ATP8B1: variants seen among roughly 807,000 people sequenced by gnomAD.
ATP8B1 encodes the protein ATPase phospholipid transporting 8B1, also known as phospholipid-transporting ATPase IC.
A neutral mutation model predicts 149.9 loss-of-function variants in ATP8B1; 80 were observed. The ratio of observed to expected loss-of-function variants is 0.53; its 90% CI spans 0.45 to 0.64. The LOEUF is 0.64. ATP8B1 is among the 30% of genes least tolerant of loss of function. The pLI is 0.00. For missense variants in ATP8B1, 1,247 were observed against 1,552.6 expected, an observed-to-expected ratio of 0.80 and a Z score of 3.31; for synonymous variants, 536 against 562.8, an observed-to-expected ratio of 0.95 and a Z score of 0.67.
chr18:57,695,433 A>T lies in ATP8B1; in HGVS notation c.781+17T>A, dbSNP rs1420821976. On this transcript the variant is annotated intron_variant, in intron 9 of 27. Transcript: ENST00000648908. ...CAACTAAAATTTAAAGCAAAGTAAG[A>T]CATGTTTGGTACAAACCATCAAATG... 6.2e-6 allele frequency: 10 copies of T among 1,606,842 alleles called. No homozygotes were observed. The highest frequency in any genetic ancestry group is 8.5e-6 in the Non-Finnish European group (10 of 1,173,386).
chr18:57,754,462 ATT>A (rs2080058378), intron 1 of ATP8B1, among the ~76,000 whole-genome samples: 1 of 144,860 alleles, frequency 6.9e-6, no homozygotes, highest in Non-Finnish European at 1.5e-5. Flanking sequence ...ATATATATAT[ATT>A]ATGAAGTAAT....
intron 24 of ATP8B1, among the ~76,000 whole-genome samples, 158 bp downstream of exon 24, chr18:57,653,834 A>C (rs559827987): frequency 6.6e-6 from 1 of 152,076 alleles, no homozygotes; most frequent in Admixed American, 6.6e-5. Context: ...ACAAAACAAG[A>C]AGCACAGCCA....
chr18:57,685,221 CTGG>C, intron 13 of ATP8B1, 106 bp from the exon 14 acceptor site: 2 of 1,198,658 alleles, frequency 1.7e-6, no homozygotes, highest in Non-Finnish European at 2.4e-6. Context: ...CATATACGGC[CTGG>C]ACAGGCTAAA....
chr18:57,785,213 A>C (rs2080395001), intron 1 of ATP8B1, among the ~76,000 whole-genome samples: 1 of 152,258 alleles, frequency 6.6e-6, no homozygotes, highest in Non-Finnish European at 1.5e-5. Flanking sequence ...GTCTTTTGAC[A>C]ACAACATAAA....
At chr18:57,767,789 A>G (rs893234196) in intron 1 of ATP8B1, among the ~76,000 whole-genome samples, 3 of 44,568 alleles carry the variant, frequency 6.7e-5, no homozygotes, top group African/African-American at 2.6e-4. Context: ...AACTCCATCT[A>G]AAAAAAAAAA....
At position 57,714,273 on chromosome 18, in the gene ATP8B1, G is replaced by C. The variant is rs545270252; in HGVS notation, c.182-7686C>G. Among the ~76,000 whole-genome samples the C allele has an allele frequency of 1.3e-3, 194 of 151,312 alleles. 3 individuals are homozygous for C. The highest frequency in any genetic ancestry group is 4.4e-3 in the African/African-American group (183 of 41,482). On this transcript the variant is annotated intron_variant, in intron 2 of 27. Coordinates refer to ENST00000648908, the MANE Select transcript of ATP8B1 (RefSeq NM_001374385.1). The stretch of plus-strand genomic sequence containing the variant: ...CAGCTCAGCCACAGTAGAATAGATA[G>C]GACACCAAGCAGATTTCTAAGGTTT...
chr18:57,698,347 AT>A (rs11388498), intron 6 of ATP8B1, among the ~76,000 whole-genome samples: 14 of 149,590 alleles, frequency 9.4e-5, no homozygotes, highest in Middle Eastern at 3.4e-3. Flanking sequence ...TTATTTATTA[AT>A]TTTTTTTTTC....
At chr18:57,746,056 C>T (rs973117561) in intron 1 of ATP8B1, among the ~76,000 whole-genome samples, 1 of 152,084 alleles carries the variant, frequency 6.6e-6, no homozygotes, top group African/African-American at 2.4e-5. Context: ...CAGTATTAAC[C>T]GTGGGGGTGA....
intron 22 of ATP8B1, among the ~76,000 whole-genome samples, chr18:57,658,241 G>A (rs895482670): frequency 1.4e-4 from 22 of 152,100 alleles, no homozygotes; most frequent in Admixed American, 1.0e-3. Flanking sequence ...GTGGAGATGG[G>A]GTTTCATCAT....
At chr18:57,795,267 G>A (rs2080502589) in intron 1 of ATP8B1, among the ~76,000 whole-genome samples, 1 of 151,946 alleles carries the variant, frequency 6.6e-6, no homozygotes, top group African/African-American at 2.4e-5. Context: ...GCTGGGTGTG[G>A]TGGTGAGTGT....
chr18:57,757,459 C>T (rs1250296377), intron 1 of ATP8B1, among the ~76,000 whole-genome samples: 1 of 152,164 alleles, frequency 6.6e-6, no homozygotes, highest in Non-Finnish European at 1.5e-5. Context: ...GGTGACTTTG[C>T]TTCTTGGTCC....
At position 57,777,031 on chromosome 18, in the gene ATP8B1, C is replaced by T. The variant is rs545667450; in HGVS notation, c.-26+25967G>A. On this transcript the variant is annotated intron_variant, in intron 1 of 27. Transcript: ENST00000648908. ...TATCACTGTCGCCCAGGCTGGAGTA[C>T]GGTGGTGTGATCACAGCTCACTGCA... 1.7e-4 allele frequency among the ~76,000 whole-genome samples: 25 copies of T among 149,874 alleles called. No homozygotes were observed. In the South Asian group the frequency reaches 3.8e-3, roughly 23 times the overall value.
In ATP8B1 at chr18:57,648,579, G is replaced by T; in HGVS notation, c.3665C>A (p.Ser1222Tyr). 6.2e-7 allele frequency: 1 copy of T among 1,611,400 alleles called. No individual in the cohort carries two copies. The highest frequency in any genetic ancestry group is 8.5e-7 in the Non-Finnish European group (1 of 1,179,912). ...CTTCTTGCGGATGCTGCGCCCGGAGGAGATGAGGTCCGCGTAGCCCCGCTG... is the reference window on the plus strand; with the variant it reads ...CTTCTTGCGGATGCTGCGCCCGGAGTAGATGAGGTCCGCGTAGCCCCGCTG... The part of the protein sequence containing the change: ...SHQRGYADLI[S>Y]SGRSIRKKRS... Residue 1222 changes from serine (S) to tyrosine (Y), a missense_variant, in exon 28 of 28, where the codon TCC becomes TAC. This residue lies in a region of ATP8B1 where 164 missense variants were observed against 160.3 expected (regional missense o/e 1.02). Coordinates refer to ENST00000648908, the MANE Select transcript of ATP8B1 (RefSeq NM_001374385.1).
chr18:57,733,638 G>A (rs977496042), intron 1 of ATP8B1, among the ~76,000 whole-genome samples: 38 of 151,158 alleles, frequency 2.5e-4, no homozygotes, highest in African/African-American at 3.9e-4. Context: ...CCCGGGAGGC[G>A]GAGCTTGCAG....
chr18:57,696,075 G>T (rs1912791974), intron 8 of ATP8B1, among the ~76,000 whole-genome samples: 1 of 152,284 alleles, frequency 6.6e-6, no homozygotes, highest in Admixed American at 6.5e-5. Context: ...GCCGGGGCAG[G>T]TGCTCTCAAG....
Position 57,706,377 on chromosome 18 carries a change from G to A in ATP8B1, c.279+113C>T. Reference sequence around the variant, plus strand: ...ATAGAAACAATGATGATTATCAGTAGCCCCAGGCAGGTGGTTACGTGGAAG... The same window carrying A: ...ATAGAAACAATGATGATTATCAGTAACCCCAGGCAGGTGGTTACGTGGAAG... On this transcript the variant is annotated intron_variant, in intron 3 of 27. Coordinates refer to ENST00000648908, the MANE Select transcript of ATP8B1 (RefSeq NM_001374385.1). The A allele has an allele frequency of 2.0e-5, 16 of 793,592 alleles. No homozygotes were observed. In the South Asian group the frequency reaches 2.3e-4, roughly 12 times the overall value. 49.2% of individuals were successfully genotyped at this position (793,592 alleles called of 1,614,324 possible). A position where few individuals can be genotyped will look rare whatever the true frequency, so the allele number is the denominator to read the frequency against.
intron 1 of ATP8B1, among the ~76,000 whole-genome samples, chr18:57,776,053 AAGG>A (rs1369123927): frequency 6.6e-6 from 1 of 152,232 alleles, no homozygotes; most frequent in African/African-American, 2.4e-5. Context: ...ATTCTAATCA[AAGG>A]AGGCATGAGT....
rs1018981984 is a variant in ATP8B1, at chr18:57,802,340, G to C, written c.-26+658C>G. On this transcript the variant is annotated intron_variant, in intron 1 of 27. Transcript: ENST00000648908. This position sits in a 1 kb window ranked among gnomAD's most constrained non-coding sequence, Gnocchi z 4.9. ...AGCCATCTCAGCGGGGCTGGCGGAC[G>C]CGACCCGACAGTCACCGGAAAAACA... Among the ~76,000 whole-genome samples the C allele has an allele frequency of 6.6e-6, 1 of 152,132 alleles. No individual in the cohort carries two copies. The highest frequency in any genetic ancestry group is 1.5e-5 in the Non-Finnish European group (1 of 68,026).
At chr18:57,796,779 C>T (rs907641165) in intron 1 of ATP8B1, among the ~76,000 whole-genome samples, 3 of 152,124 alleles carry the variant, frequency 2.0e-5, no homozygotes, top group African/African-American at 4.8e-5. Flanking sequence ...CTCCGCCTCC[C>T]GGATTCAAGC....
Sources: gnomAD v4.1 joint callset for allele counts (sites outside exome capture counted in the v4.1 genomes callset) on GRCh38, gnomAD v4.1.1 for gene constraint, gnomAD v4.1.1 regional missense constraint, Gnocchi (gnomAD v3.1) non-coding constraint, MANE v1.5 for transcripts, NCBI Gene and HGNC (gene_info 2026-07-23, HGNC 2026-07-21) for gene names.